The following CAMK2D variants were observed in gnomAD, a reference collection of about 807,000 sequenced individuals.
CAMK2D encodes calcium/calmodulin-dependent protein kinase type II subunit delta.
In CAMK2D, 37 loss-of-function variants were observed where a neutral mutation model predicts 84.0. The ratio of observed to expected loss-of-function variants is 0.44; its 90% CI spans 0.34 to 0.58. CAMK2D has a LOEUF of 0.58. Among genes scored for constraint, CAMK2D ranks in the 20% least tolerant of loss-of-function variants. The pLI, the probability that CAMK2D is intolerant of heterozygous loss-of-function variation, is 0.02. For synonymous variants in CAMK2D, 202 were observed against 212.5 expected (o/e 0.95, Z 0.43); for missense variants, 448 against 652.5 (o/e 0.69, Z 3.41).
intron 5 of CAMK2D, among the ~76,000 whole-genome samples, chr4:113,548,951 CA>C (rs1233273526): frequency 6.6e-6 from 1 of 152,058 alleles, no homozygotes; most frequent in Non-Finnish European, 1.5e-5. Context: ...CATGTTCAGA[CA>C]AAACAATTTG....
Position 113,690,687 on chromosome 4 carries a change from C to T in CAMK2D, c.161-28915G>A, listed in dbSNP as rs540751725. Among the ~76,000 whole-genome samples, 9 of 152,264 alleles carry T rather than the reference C, an allele frequency of 5.9e-5. No individual in the cohort carries two copies. The South Asian group carries it at 1.9e-3, about 32-fold the overall frequency. ...CTCTCCCATTTAAAAATATCTCATG[C>T]TTTCTTACTAATGTTGAACAATTTC... On this transcript the variant is annotated intron_variant, in intron 2 of 20. Coordinates refer to ENST00000511664, the MANE Select transcript of CAMK2D (RefSeq NM_001321571.2).
At chr4:113,707,687 A>G (rs1284846101) in intron 2 of CAMK2D, among the ~76,000 whole-genome samples, 5 of 152,226 alleles carry the variant, frequency 3.3e-5, no homozygotes, top group Non-Finnish European at 5.9e-5. Context: ...ACTATTAAAT[A>G]TTATTGAACA....
intron 4 of CAMK2D, among the ~76,000 whole-genome samples, chr4:113,588,687 T>A (rs1361083329): frequency 6.6e-6 from 1 of 152,186 alleles, no homozygotes; most frequent in African/African-American, 2.4e-5. Context: ...AAAACAATGC[T>A]ATATTCTTCC....
intron 10 of CAMK2D, 49 bp from the exon 11 acceptor site, chr4:113,513,962 A>G (rs759359568): frequency 1.2e-6 from 1 of 832,806 alleles, no homozygotes; most frequent in East Asian, 2.5e-5. Context: ...TTTAAAACAC[A>G]CTAAGTATAA....
At chr4:113,611,744 T>C (rs1374219521) in intron 3 of CAMK2D, among the ~76,000 whole-genome samples, 1 of 152,172 alleles carries the variant, frequency 6.6e-6, no homozygotes, top group Admixed American at 6.5e-5. Flanking sequence ...ACTGTTCAGA[T>C]GGAAACATGA....
chr4:113,598,600 G>A (rs558824205), intron 4 of CAMK2D, among the ~76,000 whole-genome samples: 3 of 152,298 alleles, frequency 2.0e-5, no homozygotes, highest in Non-Finnish European at 2.9e-5. Flanking sequence ...GATAAGAAAA[G>A]CTGCAGACTG....
intron 4 of CAMK2D, among the ~76,000 whole-genome samples, chr4:113,581,910 A>T (rs2098812152): frequency 6.6e-6 from 1 of 152,216 alleles, no homozygotes; most frequent in African/African-American, 2.4e-5. Flanking sequence ...GGCCTCTGGG[A>T]AACTAGAATA....
intron 4 of CAMK2D, among the ~76,000 whole-genome samples, chr4:113,582,613 T>G (rs1015583265): frequency 2.6e-5 from 4 of 152,164 alleles, no homozygotes; most frequent in African/African-American, 4.8e-5. Context: ...AAATTTGCCT[T>G]TAAGAGGTAA....
chr4:113,622,189 T>C (rs2099049047), intron 3 of CAMK2D, among the ~76,000 whole-genome samples: 1 of 152,214 alleles, frequency 6.6e-6, no homozygotes, highest in South Asian at 2.1e-4. Context: ...GCAAATCTGA[T>C]TATATCACAC....
chr4:113,678,082 A>G (rs1302576474), intron 2 of CAMK2D, among the ~76,000 whole-genome samples: 4 of 152,210 alleles, frequency 2.6e-5, no homozygotes, highest in Non-Finnish European at 5.9e-5. Context: ...CAGGCTGCCT[A>G]CAAGTTAAAT....
At chr4:113,507,862 T>C (rs1203871967) in intron 13 of CAMK2D, among the ~76,000 whole-genome samples, 6 of 152,144 alleles carry the variant, frequency 3.9e-5, no homozygotes, top group African/African-American at 7.2e-5. Context: ...GAATGTATTA[T>C]GGTGTCCTAT....
At position 113,609,090 on chromosome 4, in the gene CAMK2D, C is replaced by G. The variant is rs927598775; in HGVS notation, c.275+62G>C. On this transcript the variant is annotated intron_variant, in intron 4 of 20. Coordinates refer to ENST00000511664, the MANE Select transcript of CAMK2D (RefSeq NM_001321571.2). Reference sequence around the variant, plus strand: ...ATTTGGACTGTACAGTGAGAAAAATCATTAATTCAAAACGGTCCTCAATTA... The same window carrying G: ...ATTTGGACTGTACAGTGAGAAAAATGATTAATTCAAAACGGTCCTCAATTA... 8 of 872,676 alleles carry G rather than the reference C, an allele frequency of 9.2e-6. No homozygotes were observed. In the Admixed American group the frequency reaches 1.4e-4, roughly 15 times the overall value. The allele number at this position is 872,676 out of a possible 1,614,324, so 54.1% of individuals were successfully genotyped here.
intron 4 of CAMK2D, among the ~76,000 whole-genome samples, chr4:113,601,460 T>C (rs780543012): frequency 6.6e-6 from 1 of 151,908 alleles, no homozygotes; most frequent in Admixed American, 6.6e-5. Context: ...ATTGTTAGTA[T>C]ACGTACTGGA....
intron 2 of CAMK2D, among the ~76,000 whole-genome samples, chr4:113,664,436 T>C (rs1054069163): frequency 6.6e-6 from 1 of 152,200 alleles, no homozygotes; most frequent in Non-Finnish European, 1.5e-5. Context: ...GGGTCTCATC[T>C]GAAATCTTGA....
At chr4:113,739,241 A>G (rs190982097) in intron 2 of CAMK2D, among the ~76,000 whole-genome samples, 3 of 152,178 alleles carry the variant, frequency 2.0e-5, no homozygotes, top group African/African-American at 7.2e-5. Context: ...TAAAATGGAA[A>G]CTTCTCACTG....
Position 113,460,236 on chromosome 4 carries a change from A to T in CAMK2D, c.1217T>A (p.Ile406Asn), listed in dbSNP as rs1375036612. 1 of 1,574,860 alleles carries T rather than the reference A, an allele frequency of 6.3e-7. No individual in the cohort carries two copies. Among genetic ancestry groups the T allele is most frequent in the East Asian group, 2.2e-5 (1 of 44,656 alleles). The change falls in exon 18 of 21, where the codon ATC (isoleucine) becomes AAC (asparagine). Residue 406 changes from isoleucine to asparagine, a missense_variant. Physicochemically the swap from Ile to Asn is moderately radical, Grantham distance 149. Coordinates refer to ENST00000511664, the MANE Select transcript of CAMK2D (RefSeq NM_001321571.2). ...NNGDFEAYTK[I>N]CDPGLTAFEP... ...AAAAGCAGTAAGGCCTGGGTCACAG[A>T]TTTTTCTGTAAAAGAAAAATAATGA...
chr4:113,627,948 G>C (rs949722428), intron 3 of CAMK2D, among the ~76,000 whole-genome samples: 3 of 152,152 alleles, frequency 2.0e-5, no homozygotes, highest in Non-Finnish European at 4.4e-5. Context: ...TGCAGTTACA[G>C]AAACCACAAA....
chr4:113,477,654 G>A (rs60045035), intron 16 of CAMK2D, among the ~76,000 whole-genome samples: 32 of 151,238 alleles, frequency 2.1e-4, no homozygotes, highest in African/African-American at 7.8e-4. Context: ...GCTGAGGCAG[G>A]AGAATTGCTT....
chr4:113,737,233 A>G (rs986394582), intron 2 of CAMK2D, among the ~76,000 whole-genome samples: 2 of 152,248 alleles, frequency 1.3e-5, no homozygotes, highest in Non-Finnish European at 2.9e-5. Flanking sequence ...GCCAAAAGAT[A>G]GAAGCAACCT....
Sources: gnomAD v4.1 joint callset for allele counts (sites outside exome capture counted in the v4.1 genomes callset) on GRCh38, gnomAD v4.1.1 for gene constraint, MANE v1.5 for transcripts, NCBI Gene and HGNC (gene_info 2026-07-23, HGNC 2026-07-21) for gene names.